Variants in SLK observed in about 807,000 individuals in gnomAD.
The protein encoded by SLK is STE20-like serine/threonine-protein kinase.
In SLK, 67 loss-of-function variants were observed where a neutral mutation model predicts 147.7. That is an observed-to-expected ratio of 0.45 (90% CI 0.37 to 0.56). The LOEUF is 0.56. Among genes scored for constraint, SLK ranks in the 20% least tolerant of loss-of-function variants. SLK has a pLI of 0.00. For missense variants in SLK, 1,136 were observed against 1,438.8 expected (o/e 0.79, Z 3.41); for synonymous variants, 441 against 475.0 (o/e 0.93, Z 0.93).
chr10:103,984,572 C>T (rs945674706), intron 1 of SLK, among the ~76,000 whole-genome samples: 1 of 152,108 alleles, frequency 6.6e-6, no homozygotes, highest in Non-Finnish European at 1.5e-5. Flanking sequence ...CACCACCACA[C>T]CGTGCTAATT....
chr10:104,004,814 T>C (rs775363777), intron 9 of SLK, among the ~76,000 whole-genome samples: 39 of 152,222 alleles, frequency 2.6e-4, no homozygotes, highest in Non-Finnish European at 5.0e-4. Context: ...ATGTCTGTTA[T>C]TTCTGTTTGC....
At chr10:103,986,671 T>C (rs796628279) in intron 1 of SLK, among the ~76,000 whole-genome samples, 9 of 122,796 alleles carry the variant, frequency 7.3e-5, no homozygotes, top group South Asian at 3.2e-4. Flanking sequence ...GTGAAGAGTT[T>C]TTTTTTTTTT....
chr10:104,001,713 G>A (rs1427257190), intron 8 of SLK, 141 bp downstream of exon 8: 17 of 878,874 alleles, frequency 1.9e-5, no homozygotes, highest in East Asian at 9.8e-5. Flanking sequence ...GTTGCTCGTC[G>A]CTGCACATTT....
At position 104,003,151 on chromosome 10, in the gene SLK, C is replaced by G. The variant is rs56400929; in HGVS notation, c.1973C>G (p.Ala658Gly). 19,330 of 1,613,984 alleles carry G rather than the reference C, an allele frequency of 0.012. 136 individuals are homozygous for G. Among genetic ancestry groups the G allele is most frequent in the Non-Finnish European group, 0.014 (16,114 of 1,179,986 alleles). Residue 658 changes from alanine (A) to glycine (G), a missense_variant, in exon 9 of 19, where the codon GCT (alanine) becomes GGT (glycine). By Grantham distance (60) the Ala-to-Gly change is moderately conservative. Coordinates refer to ENST00000369755, the MANE Select transcript of SLK (RefSeq NM_014720.4). Reference protein sequence around the residue: ...TEEMEVRSVVADTDQKALGSE... With the variant: ...TEEMEVRSVVGDTDQKALGSE... The stretch of plus-strand genomic sequence containing the variant: ...GAAATGGAGGTCAGAAGTGTGGTGG[C>G]TGATACTGACCAAAAGGCTTTAGGA...
chr10:104,028,815 T>C lies in SLK; in HGVS notation c.*3095T>C, dbSNP rs973299037. Reference sequence around the variant, plus strand: ...TCTGTCCAAGTATTAACTAGAGATATTGTTGATTAAAGAAAATCTAGAACT... The same window carrying C: ...TCTGTCCAAGTATTAACTAGAGATACTGTTGATTAAAGAAAATCTAGAACT... On this transcript the variant is annotated 3_prime_UTR_variant, in exon 19 of 19. Transcript: ENST00000369755. 2.0e-5 allele frequency: 3 copies of C among 152,216 alleles called. No homozygotes were observed. Among genetic ancestry groups the C allele is most frequent in the African/African-American group, 7.2e-5 (3 of 41,466 alleles). 9.4% of individuals were successfully genotyped at this position (152,216 alleles called of 1,614,324 possible).
At chr10:103,999,078 T>C in intron 5 of SLK, 41 bp from the exon 6 acceptor site, 1 of 1,573,018 alleles carries the variant, frequency 6.4e-7, no homozygotes, top group Non-Finnish European at 8.7e-7. Context: ...TTGCAATCAC[T>C]GTTCTTAAAC....
intron 16 of SLK, among the ~76,000 whole-genome samples, chr10:104,020,134 C>T (rs759761207): frequency 1.9e-4 from 29 of 152,190 alleles, no homozygotes; most frequent in Non-Finnish European, 3.7e-4. Context: ...GCCCTTCCTC[C>T]TATACCCCAT....
intron 1 of SLK, among the ~76,000 whole-genome samples, chr10:103,976,670 A>T (rs1209519179): frequency 1.3e-5 from 2 of 151,896 alleles, no homozygotes; most frequent in African/African-American, 4.8e-5. Flanking sequence ...AAATCTGTAT[A>T]GTTTTGCAGC....
intron 1 of SLK, among the ~76,000 whole-genome samples, chr10:103,972,870 A>G (rs74963471): frequency 0.013 from 2,003 of 151,912 alleles, 44 homozygotes; most frequent in African/African-American, 0.046. Context: ...TCTCTTATCC[A>G]TTTTTCTCTT....
In SLK at chr10:103,967,657, C is replaced by A; in HGVS notation, c.-89C>A. The A allele has an allele frequency of 1.6e-6, 2 of 1,222,332 alleles. No individual in the cohort carries two copies. Among genetic ancestry groups the A allele is most frequent in the South Asian group, 2.1e-5 (1 of 48,486 alleles). The allele number at this position is 1,222,332 out of a possible 1,614,324, so 75.7% of individuals were successfully genotyped here. A position where few individuals can be genotyped will look rare whatever the true frequency, so the allele number is the denominator to read the frequency against. On this transcript the variant is annotated 5_prime_UTR_variant, in exon 1 of 19. Coordinates refer to ENST00000369755, the MANE Select transcript of SLK (RefSeq NM_014720.4). ...GGACGCCGCGCCCGCCGCCGCCAGC[C>A]GGGCTCGCGCGGGAGAGCAGGGAAG...
chr10:104,025,546 G>A (rs2134543737), intron 18 of SLK, 28 bp from the exon 19 acceptor site: 1 of 1,608,496 alleles, frequency 6.2e-7, no homozygotes, highest in Non-Finnish European at 8.5e-7. Flanking sequence ...CCAGCACATA[G>A]CAATTTCTTT....
At chr10:104,014,602 C>G (rs1844438714) in intron 13 of SLK, among the ~76,000 whole-genome samples, 1 of 152,122 alleles carries the variant, frequency 6.6e-6, no homozygotes, top group South Asian at 2.1e-4. Context: ...GAATTACGAT[C>G]ACTTTTCTGA....
At chr10:103,986,835 T>G (rs1232683943) in intron 1 of SLK, among the ~76,000 whole-genome samples, 1 of 152,106 alleles carries the variant, frequency 6.6e-6, no homozygotes. Context: ...TCCGCCACCA[T>G]GCCTGGTTAA....
At chr10:103,996,194 T>A (rs963044003) in intron 4 of SLK, among the ~76,000 whole-genome samples, 4 of 152,124 alleles carry the variant, frequency 2.6e-5, no homozygotes, top group African/African-American at 9.7e-5. Flanking sequence ...GGATAACAAA[T>A]CCTTGGCACA....
intron 13 of SLK, among the ~76,000 whole-genome samples, chr10:104,011,951 A>T (rs1464768193): frequency 6.6e-6 from 1 of 152,250 alleles, no homozygotes; most frequent in Non-Finnish European, 1.5e-5. Context: ...ATGAAGGAAG[A>T]TGAATCTTCT....
intron 4 of SLK, among the ~76,000 whole-genome samples, chr10:103,996,479 A>G (rs1403757690): frequency 1.3e-5 from 2 of 150,420 alleles, no homozygotes; most frequent in African/African-American, 4.9e-5. Context: ...GCTCACTGCA[A>G]GCTCTGCCTC....
At chr10:103,982,595 A>G (rs1412945840) in intron 1 of SLK, among the ~76,000 whole-genome samples, 1 of 152,254 alleles carries the variant, frequency 6.6e-6, no homozygotes, top group Non-Finnish European at 1.5e-5. Flanking sequence ...GAAATTACAG[A>G]AAGAATATGT....
chr10:104,020,470 T>C lies in SLK; in HGVS notation c.3322-18T>C. 6.2e-7 allele frequency: 1 copy of C among 1,603,000 alleles called. No homozygotes were observed. Among genetic ancestry groups the C allele is most frequent in the Non-Finnish European group, 8.5e-7 (1 of 1,174,844 alleles). Reference sequence around the variant, plus strand: ...ACATGCTTCTGAACTATAGTTTATCTTTTTTTCTTATTTATAGTTTGCTGC... The same window carrying C: ...ACATGCTTCTGAACTATAGTTTATCCTTTTTTCTTATTTATAGTTTGCTGC... On this transcript the variant is annotated intron_variant, in intron 16 of 18. Transcript: ENST00000369755.
chr10:103,971,089 A>G (rs1843786146), intron 1 of SLK, among the ~76,000 whole-genome samples: 1 of 152,134 alleles, frequency 6.6e-6, no homozygotes, highest in South Asian at 2.1e-4. Context: ...TACTTGTTGT[A>G]TTCCTTCCAC....
Sources: allele counts gnomAD v4.1 joint callset (sites outside exome capture counted in the v4.1 genomes callset), GRCh38; gene constraint gnomAD v4.1.1; transcripts MANE v1.5; gene names NCBI Gene and HGNC (gene_info 2026-07-23, HGNC 2026-07-21).